The following RBFOX1 variants were observed in gnomAD, a reference collection of about 807,000 sequenced individuals.
RBFOX1 encodes RNA binding fox-1 homolog 1, also known as RNA binding protein fox-1 homolog 1.
Under a neutral mutation model 57.7 loss-of-function variants are expected in RBFOX1, and 8 were observed. The ratio of observed to expected loss-of-function variants is 0.14; its 90% confidence interval spans 0.08 to 0.25. The LOEUF is 0.25. RBFOX1 is among the 10% of genes least tolerant of loss of function. RBFOX1 has a pLI of 1.00. For missense variants in RBFOX1, 611 were observed against 548.5 expected (o/e 1.11, Z -1.14); for synonymous variants, 326 against 222.4 (o/e 1.47, Z -4.15).
At chr16:5,901,985 A>G (rs961429321) in intron 4 of RBFOX1, among the ~76,000 whole-genome samples, 1 of 152,136 alleles carries the variant, frequency 6.6e-6, no homozygotes, top group Non-Finnish European at 1.5e-5. Flanking sequence ...AGTCCTCCTG[A>G]TACTACCTGT....
chr16:5,514,195 G>C (rs537478585), intron 2 of RBFOX1, among the ~76,000 whole-genome samples: 1 of 152,280 alleles, frequency 6.6e-6, no homozygotes, highest in East Asian at 1.9e-4. Flanking sequence ...AATCCTGCTG[G>C]CTTGACTAGC....
intron 2 of RBFOX1, among the ~76,000 whole-genome samples, chr16:6,543,921 G>C (rs1404579169): frequency 6.6e-6 from 1 of 152,124 alleles, no homozygotes; most frequent in Non-Finnish European, 1.5e-5. Flanking sequence ...CTTGGCATTT[G>C]GGGAATAAAA....
At chr16:5,376,645 G>A (rs1019727990) in intron 1 of RBFOX1, among the ~76,000 whole-genome samples, 2 of 152,182 alleles carry the variant, frequency 1.3e-5, no homozygotes, top group Non-Finnish European at 2.9e-5. Context: ...GCTGCTGGCT[G>A]TGGTTACTAG....
At chr16:7,096,348 C>A (rs1352275866) in intron 4 of RBFOX1, among the ~76,000 whole-genome samples, 1 of 152,140 alleles carries the variant, frequency 6.6e-6, no homozygotes, top group Non-Finnish European at 1.5e-5. Context: ...CTCACCATGT[C>A]ATGGAAACTC....
chr16:5,572,447 T>G (rs945580096), intron 2 of RBFOX1, among the ~76,000 whole-genome samples: 2 of 152,174 alleles, frequency 1.3e-5, no homozygotes, highest in African/African-American at 4.8e-5. Flanking sequence ...CACTTTGTTG[T>G]GGGAGGCTCT....
At chr16:5,636,215 G>C (rs2048681123) in intron 3 of RBFOX1, among the ~76,000 whole-genome samples, 1 of 152,172 alleles carries the variant, frequency 6.6e-6, no homozygotes, top group African/African-American at 2.4e-5. Flanking sequence ...GGGTATGGTA[G>C]CAGATGCCTG....
intron 4 of RBFOX1, among the ~76,000 whole-genome samples, chr16:5,901,276 T>C (rs372064961): frequency 1.7e-4 from 26 of 152,156 alleles, no homozygotes; most frequent in African/African-American, 6.0e-4. Flanking sequence ...TCCTAATCGT[T>C]CCTCTTTGAA....
At chr16:6,674,622 C>T (rs1015926090) in intron 3 of RBFOX1, among the ~76,000 whole-genome samples, 4 of 151,940 alleles carry the variant, frequency 2.6e-5, no homozygotes, top group Admixed American at 6.6e-5. Context: ...GTGCCCAGCC[C>T]GAATGGGCTC....
intron 4 of RBFOX1, among the ~76,000 whole-genome samples, chr16:7,359,250 A>T (rs1026003727): frequency 7.9e-5 from 12 of 152,236 alleles, no homozygotes; most frequent in African/African-American, 2.9e-4. Context: ...TGAGAAGGAA[A>T]TGAACTATCA....
chr16:7,702,259 C>T (rs961492526), intron 14 of RBFOX1, among the ~76,000 whole-genome samples: 14 of 152,162 alleles, frequency 9.2e-5, no homozygotes, highest in African/African-American at 3.1e-4. Context: ...GTGTCCTAAG[C>T]TCGGAATTTT....
chr16:6,660,827 A>G (rs1488377306), intron 3 of RBFOX1, among the ~76,000 whole-genome samples: 1 of 152,158 alleles, frequency 6.6e-6, no homozygotes, highest in Admixed American at 6.5e-5. Flanking sequence ...CATTTATTTT[A>G]TCAAATGAGG....
At chr16:5,310,291 A>G (rs1372210862) in intron 1 of RBFOX1, among the ~76,000 whole-genome samples, 1 of 152,010 alleles carries the variant, frequency 6.6e-6, no homozygotes, top group Non-Finnish European at 1.5e-5. Context: ...AGTCCCAGAT[A>G]CTCAGGAGGC....
At chr16:7,493,959 C>A (rs1485455849) in intron 4 of RBFOX1, among the ~76,000 whole-genome samples, 1 of 152,178 alleles carries the variant, frequency 6.6e-6, no homozygotes, top group East Asian at 1.9e-4. Flanking sequence ...AAAGTCAAAA[C>A]AATTTCTTAG....
chr16:6,123,130 A>G (rs1190715085), intron 1 of RBFOX1, among the ~76,000 whole-genome samples: 2 of 152,204 alleles, frequency 1.3e-5, no homozygotes, highest in Non-Finnish European at 2.9e-5. Context: ...TTGCCTTATG[A>G]TGCAGCATTT....
chr16:7,543,763 C>G (rs2083639596), intron 5 of RBFOX1, among the ~76,000 whole-genome samples: 1 of 151,194 alleles, frequency 6.6e-6, no homozygotes, highest in African/African-American at 2.4e-5. Flanking sequence ...ACTCTGTTGT[C>G]AGGCTGGAGT....
At chr16:7,601,527 T>G (rs980894373) in intron 9 of RBFOX1, among the ~76,000 whole-genome samples, 6 of 152,128 alleles carry the variant, frequency 3.9e-5, no homozygotes, top group Non-Finnish European at 8.8e-5. Flanking sequence ...ACAGGTAAAA[T>G]CAGCAAACAG....
At chr16:6,649,908 T>C (rs554472972) in intron 2 of RBFOX1, among the ~76,000 whole-genome samples, 3 of 152,302 alleles carry the variant, frequency 2.0e-5, no homozygotes, top group East Asian at 3.9e-4. Flanking sequence ...TATCTACTTG[T>C]GGATTGGTGG....
At chr16:6,953,932 C>G (rs926213500) in intron 3 of RBFOX1, among the ~76,000 whole-genome samples, 1 of 152,154 alleles carries the variant, frequency 6.6e-6, no homozygotes, top group Non-Finnish European at 1.5e-5. Context: ...CATCTCTTTC[C>G]TGACAGAGGA....
intron 13 of RBFOX1, among the ~76,000 whole-genome samples, chr16:7,672,016 T>G (rs1271144376): frequency 6.6e-6 from 1 of 152,224 alleles, no homozygotes; most frequent in East Asian, 1.9e-4. Context: ...GATAATTTTT[T>G]AGTAGGTTCC....
Sources: allele counts gnomAD v4.1 joint callset (sites outside exome capture counted in the v4.1 genomes callset), GRCh38; gene constraint gnomAD v4.1.1; transcripts MANE v1.5; gene names NCBI Gene and HGNC (gene_info 2026-07-23, HGNC 2026-07-21).